The following CCDC169 variants were observed in gnomAD, a reference collection of about 807,000 sequenced individuals.
CCDC169 encodes coiled-coil domain-containing protein 169.
Under a neutral mutation model 36.0 loss-of-function variants are expected in CCDC169, and 30 were observed. That is an observed-to-expected ratio of 0.83 (90% CI 0.62 to 1.13). CCDC169 has a LOEUF of 1.13. CCDC169 is among the 50% of genes most tolerant of loss of function. The pLI is 0.00. For missense variants in CCDC169, 245 were observed against 245.9 expected (o/e 1.00, Z 0.03); for synonymous variants, 85 against 81.5 (o/e 1.04, Z -0.23).
At chr13:36,268,322 C>G (rs1267019578) in intron 4 of CCDC169, among the ~76,000 whole-genome samples, 1 of 152,118 alleles carries the variant, frequency 6.6e-6, no homozygotes, top group Admixed American at 6.5e-5. Context: ...AAAAGGAACC[C>G]TCAGAACTAT....
intron 4 of CCDC169, among the ~76,000 whole-genome samples, chr13:36,255,904 G>A (rs1476152154): frequency 2.0e-5 from 3 of 152,108 alleles, no homozygotes; most frequent in African/African-American, 4.8e-5. Flanking sequence ...CCAAGTCCTC[G>A]TCCTCCACGT....
chr13:36,239,351 A>AG (rs1412682675), intron 7 of CCDC169, among the ~76,000 whole-genome samples: 1 of 152,176 alleles, frequency 6.6e-6, no homozygotes, highest in Admixed American at 6.6e-5. Flanking sequence ...ATGTGGGTAT[A>AG]GGGATCACAA....
chr13:36,265,055 T>G (rs1035467232), intron 4 of CCDC169, among the ~76,000 whole-genome samples: 3 of 152,308 alleles, frequency 2.0e-5, no homozygotes. Flanking sequence ...GTCTCCAACT[T>G]TCATAATGGA....
At chr13:36,252,148 G>T (rs981177078) in intron 6 of CCDC169, among the ~76,000 whole-genome samples, 1 of 152,156 alleles carries the variant, frequency 6.6e-6, no homozygotes, top group African/African-American at 2.4e-5. Context: ...GAAGGATGTG[G>T]AATTGGCATG....
At chr13:36,238,466 A>G (rs935008184) in intron 7 of CCDC169, among the ~76,000 whole-genome samples, 12 of 152,086 alleles carry the variant, frequency 7.9e-5, no homozygotes, top group Admixed American at 4.6e-4. Flanking sequence ...CAATTAAAAA[A>G]TTTTTTTAAA....
At position 36,285,618 on chromosome 13, in the gene CCDC169, G is replaced by GATAGATAGATAGATACATAC. The variant is rs751327575; in HGVS notation, c.164-1917_164-1916insGTATGTATCTATCTATCTAT. Among the ~76,000 whole-genome samples the GATAGATAGATAGATACATAC allele has an allele frequency of 6.5e-3, 873 of 133,574 alleles. 6 individuals are homozygous for GATAGATAGATAGATACATAC. The highest frequency in any genetic ancestry group is 0.023 in the Middle Eastern group (6 of 264). The allele number at this position is 133,574 out of a possible 152,430, so 87.6% of individuals were successfully genotyped here. Reference sequence around the variant, plus strand: ...AGATAGATAGATAGATAGATAGATAGATACATAGATACATAGATACATAGA... The same window carrying GATAGATAGATAGATACATAC: ...AGATAGATAGATAGATAGATAGATAGATAGATAGATAGATACATACATACATAGATACATAGATACATAGA... On this transcript the variant is annotated intron_variant, in intron 2 of 7. Coordinates refer to ENST00000239859, the MANE Select transcript of CCDC169 (RefSeq NM_001144981.3).
chr13:36,260,616 C>T (rs868012728), intron 4 of CCDC169, among the ~76,000 whole-genome samples: 5 of 152,262 alleles, frequency 3.3e-5, no homozygotes, highest in Middle Eastern at 6.8e-3. Flanking sequence ...ATGTAAAAAA[C>T]TCCAGCTACT....
chr13:36,273,441 T>A (rs1480229075), intron 4 of CCDC169, among the ~76,000 whole-genome samples: 1 of 152,124 alleles, frequency 6.6e-6, no homozygotes, highest in Admixed American at 6.6e-5. Context: ...CACCAAATGA[T>A]GTAATAGTTA....
intron 7 of CCDC169, among the ~76,000 whole-genome samples, chr13:36,234,362 T>C (rs1190600747): frequency 6.6e-6 from 1 of 152,030 alleles, no homozygotes; most frequent in Non-Finnish European, 1.5e-5. Context: ...CACTATCAAC[T>C]ATACCAACAT....
rs537997330 is a variant in CCDC169 at position 36,252,458 on chromosome 13, T to C, written c.468+1345A>G. ...CCTAATGCCCTTCCTCTCAATCCTT[T>C]CATTATCCCTCTAGATATTCTGGAT... On this transcript the variant is annotated intron_variant, in intron 6 of 7. Transcript: ENST00000239859. Among the ~76,000 whole-genome samples the C allele has an allele frequency of 2.0e-5, 3 of 152,302 alleles. No homozygotes were observed. In the East Asian group the frequency reaches 5.8e-4, roughly 29 times the overall value.
chr13:36,252,723 T>C (rs1053045046), intron 6 of CCDC169, among the ~76,000 whole-genome samples: 1 of 152,152 alleles, frequency 6.6e-6, no homozygotes, highest in Non-Finnish European at 1.5e-5. Context: ...TTTTGAAATT[T>C]TATATAATAA....
chr13:36,282,379 TGA>T (rs1877640086), intron 4 of CCDC169: 2 of 985,298 alleles, frequency 2.0e-6, no homozygotes, highest in South Asian at 9.4e-5. Flanking sequence ...GAGGGTCTCT[TGA>T]CTGGATATAG....
At chr13:36,279,696 A>G (rs1228387953) in intron 4 of CCDC169, among the ~76,000 whole-genome samples, 1 of 152,292 alleles carries the variant, frequency 6.6e-6, no homozygotes, top group African/African-American at 2.4e-5. Flanking sequence ...CTAAAGATCA[A>G]ATTCAGCTTC....
At chr13:36,282,043 C>G (rs1017533991) in intron 4 of CCDC169, among the ~76,000 whole-genome samples, 1 of 152,096 alleles carries the variant, frequency 6.6e-6, no homozygotes. Context: ...AACGAGTGCC[C>G]ATCCTTTTGC....
intron 4 of CCDC169, chr13:36,281,401 A>G: frequency 2.9e-6 from 1 of 339,826 alleles, no homozygotes; most frequent in Non-Finnish European, 5.6e-6. Context: ...AAAGACACTT[A>G]GAAGATAATA....
At chr13:36,287,664 A>C (rs2138631023) in intron 2 of CCDC169, among the ~76,000 whole-genome samples, 1 of 152,342 alleles carries the variant, frequency 6.6e-6, no homozygotes, top group Admixed American at 6.5e-5. Context: ...AGTGCATGTG[A>C]ATTTTTAATA....
chr13:36,285,618 G>GATAGATAGATAGATAGATAGATAGATAC (rs751327575), intron 2 of CCDC169, among the ~76,000 whole-genome samples: 1 of 133,502 alleles, frequency 7.5e-6, no homozygotes, highest in Non-Finnish European at 1.6e-5. Context: ...TAGATAGATA[G>GATAGATAGATAGATAGATAGATAGATAC]ATACATAGAT....
chr13:36,266,015 G>T (rs1001416882), intron 4 of CCDC169, among the ~76,000 whole-genome samples: 1 of 152,152 alleles, frequency 6.6e-6, no homozygotes, highest in African/African-American at 2.4e-5. Flanking sequence ...CGTTTTGGGA[G>T]GACTGTGGAT....
At chr13:36,273,732 A>C (rs1308821042) in intron 4 of CCDC169, among the ~76,000 whole-genome samples, 3 of 152,178 alleles carry the variant, frequency 2.0e-5, no homozygotes, top group African/African-American at 7.2e-5. Flanking sequence ...TTTTATTTAA[A>C]ATTTTTTTGT....
Sources: gnomAD v4.1 joint callset for allele counts (sites outside exome capture counted in the v4.1 genomes callset) on GRCh38, gnomAD v4.1.1 for gene constraint, MANE v1.5 for transcripts, NCBI Gene and HGNC (gene_info 2026-07-23, HGNC 2026-07-21) for gene names.